SRPK2: variants seen among roughly 807,000 people sequenced by gnomAD.
SRPK2 encodes the protein SFRS protein kinase 2.
SRPK2 carries 21 observed loss-of-function variants against 90.8 expected under a neutral mutation model. The ratio of observed to expected loss-of-function variants is 0.23; its 90% CI spans 0.16 to 0.33. SRPK2 has a LOEUF of 0.33. Among genes scored for constraint, SRPK2 ranks in the 10% least tolerant of loss-of-function variants. SRPK2 has a pLI of 1.00. For missense variants in SRPK2, 620 were observed against 869.0 expected, an observed-to-expected ratio of 0.71 and a Z score of 3.60; for synonymous variants, 288 against 311.1, an observed-to-expected ratio of 0.93 and a Z score of 0.78.
intron 2 of SRPK2, among the ~76,000 whole-genome samples, chr7:105,322,316 C>A (rs531401476): frequency 6.6e-6 from 1 of 152,198 alleles, no homozygotes; most frequent in East Asian, 1.9e-4. Flanking sequence ...ACTCAGGAGG[C>A]TGAAGCAGGA....
chr7:105,168,177 A>G, intron 4 of SRPK2, 82 bp from the exon 5 acceptor site: 1 of 1,186,528 alleles, frequency 8.4e-7, no homozygotes, highest in South Asian at 1.4e-5. Context: ...GAGCATCCCT[A>G]ATTGGAAAAT....
chr7:105,145,810 C>T (rs985582961), intron 8 of SRPK2, among the ~76,000 whole-genome samples: 1 of 152,206 alleles, frequency 6.6e-6, no homozygotes, highest in Admixed American at 6.5e-5. Flanking sequence ...AAAAGCTTAA[C>T]AGGCTGGGTC....
chr7:105,227,844 G>A (rs542258443), intron 2 of SRPK2, among the ~76,000 whole-genome samples: 69 of 112,854 alleles, frequency 6.1e-4, no homozygotes, highest in Non-Finnish European at 8.4e-4. Context: ...ATCAACTGAT[G>A]AACAGATAAA....
intron 2 of SRPK2, among the ~76,000 whole-genome samples, chr7:105,269,772 T>C (rs1001446313): frequency 6.6e-6 from 1 of 152,330 alleles, no homozygotes; most frequent in Non-Finnish European, 1.5e-5. Flanking sequence ...AAGCACATAA[T>C]TTTAAGTTAA....
At chr7:105,140,918 G>T (rs1207542783) in intron 11 of SRPK2, among the ~76,000 whole-genome samples, 3 of 151,310 alleles carry the variant, frequency 2.0e-5, no homozygotes, top group Non-Finnish European at 4.4e-5. Flanking sequence ...CCGAGATCGC[G>T]CCACTGCACT....
At chr7:105,187,293 C>T (rs1793708868) in intron 3 of SRPK2, among the ~76,000 whole-genome samples, 1 of 152,178 alleles carries the variant, frequency 6.6e-6, no homozygotes, top group African/African-American at 2.4e-5. Flanking sequence ...GCTGGCCTTT[C>T]AACTCTACTC....
chr7:105,306,370 A>G (rs1447285985), intron 2 of SRPK2: 1 of 373,854 alleles, frequency 2.7e-6, no homozygotes, highest in Non-Finnish European at 5.1e-6. Context: ...AGTCATAATA[A>G]CTGTGAATTA....
At chr7:105,289,773 G>C (rs1808707709) in intron 2 of SRPK2, among the ~76,000 whole-genome samples, 1 of 151,966 alleles carries the variant, frequency 6.6e-6, no homozygotes, top group African/African-American at 2.4e-5. Flanking sequence ...TTGTCTAATT[G>C]TTTGTCATAA....
intron 11 of SRPK2, among the ~76,000 whole-genome samples, chr7:105,137,508 T>A (rs778917781): frequency 6.6e-6 from 1 of 152,200 alleles, no homozygotes; most frequent in African/African-American, 2.4e-5. Flanking sequence ...TAGCAAGGAC[T>A]GACAGTGGTG....
chr7:105,391,804 T>C (rs1586038239), upstream of SRPK2, among the ~76,000 whole-genome samples: 1 of 152,214 alleles, frequency 6.6e-6, no homozygotes. Context: ...AAACAGTCTG[T>C]TGGCTTCTCA....
intron 2 of SRPK2, among the ~76,000 whole-genome samples, chr7:105,271,991 T>C (rs900360836): frequency 3.0e-4 from 46 of 152,216 alleles, no homozygotes; most frequent in African/African-American, 9.9e-4. Flanking sequence ...TAATATGCTT[T>C]ATAATAGTAT....
intron 2 of SRPK2, among the ~76,000 whole-genome samples, chr7:105,350,516 T>C (rs1343484845): frequency 7.0e-6 from 1 of 143,400 alleles, no homozygotes; most frequent in African/African-American, 2.5e-5. Flanking sequence ...CTGTGGTTGC[T>C]ACAATTTTTT....
At chr7:105,386,480 G>T (rs377079501) in intron 2 of SRPK2, among the ~76,000 whole-genome samples, 28 of 152,160 alleles carry the variant, frequency 1.8e-4, no homozygotes, top group Admixed American at 8.5e-4. Flanking sequence ...GTGGGAGGCC[G>T]AGGCCGGTGA....
upstream of SRPK2, among the ~76,000 whole-genome samples, chr7:105,391,741 T>C (rs1251154738): frequency 6.6e-6 from 1 of 152,156 alleles, no homozygotes; most frequent in African/African-American, 2.4e-5. Context: ...GTTGGAAACA[T>C]TGAAACCCTC....
At chr7:105,352,737 C>A (rs932617264) in intron 2 of SRPK2, among the ~76,000 whole-genome samples, 1 of 152,072 alleles carries the variant, frequency 6.6e-6, no homozygotes, top group Non-Finnish European at 1.5e-5. Flanking sequence ...CAGTCTCTTA[C>A]TAAAAATACA....
At chr7:105,218,768 G>A (rs2129614905) in intron 2 of SRPK2, among the ~76,000 whole-genome samples, 1 of 152,242 alleles carries the variant, frequency 6.6e-6, no homozygotes, top group Admixed American at 6.5e-5. Flanking sequence ...AGAAAAGCAT[G>A]CCTAAGGGAG....
intron 2 of SRPK2, among the ~76,000 whole-genome samples, chr7:105,346,475 G>A (rs1353723394): frequency 1.3e-5 from 2 of 152,212 alleles, no homozygotes; most frequent in South Asian, 2.1e-4. Context: ...GCAACACAAG[G>A]CCAGGTGCAG....
intron 11 of SRPK2, among the ~76,000 whole-genome samples, chr7:105,141,115 G>A (rs1803691227): frequency 1.3e-5 from 2 of 152,190 alleles, no homozygotes; most frequent in African/African-American, 2.4e-5. Context: ...GGGAACAGGA[G>A]CTGACCACGT....
chr7:105,152,928 G>A (rs949329494), intron 7 of SRPK2, among the ~76,000 whole-genome samples: 1 of 152,140 alleles, frequency 6.6e-6, no homozygotes, highest in Non-Finnish European at 1.5e-5. Flanking sequence ...CAGCTATTCA[G>A]GAGTCTGAGG....
Sources: gnomAD v4.1 joint callset for allele counts (sites outside exome capture counted in the v4.1 genomes callset) on GRCh38, gnomAD v4.1.1 for gene constraint, MANE v1.5 for transcripts, NCBI Gene and HGNC (gene_info 2026-07-23, HGNC 2026-07-21) for gene names.